CCND3: variants seen among roughly 807,000 people sequenced by gnomAD.
CCND3 encodes the protein G1/S-specific cyclin-D3.
Under a neutral mutation model 28.7 loss-of-function variants are expected in CCND3, and 9 were observed. That is an observed-to-expected ratio of 0.31 (90% CI 0.19 to 0.55). CCND3 has a LOEUF of 0.55. CCND3 is among the 20% of genes least tolerant of loss of function. CCND3 has a pLI of 0.93. For missense variants in CCND3, 315 were observed against 385.8 expected (o/e 0.82, Z 1.54); for synonymous variants, 164 against 163.9 (o/e 1.00, Z 0.00).
intron 1 of CCND3, among the ~76,000 whole-genome samples, chr6:42,015,716 TA>T (rs1048208348): frequency 6.2e-5 from 9 of 145,938 alleles, no homozygotes; most frequent in Admixed American, 6.9e-5. Flanking sequence ...TCTCAAAAAA[TA>T]AAAAAAAAAG....
At chr6:41,972,453 G>A (rs947808874) in intron 1 of CCND3, among the ~76,000 whole-genome samples, 2 of 152,072 alleles carry the variant, frequency 1.3e-5, no homozygotes. Flanking sequence ...TGTGGCCATG[G>A]AGTTTAGATA....
At chr6:42,043,308 C>A (rs945035141) in intron 1 of CCND3, among the ~76,000 whole-genome samples, 2 of 152,178 alleles carry the variant, frequency 1.3e-5, no homozygotes, top group East Asian at 1.9e-4. Flanking sequence ...GAGGCCGAGG[C>A]GGATGGATCC....
At chr6:42,031,758 T>C (rs1157355908) in intron 1 of CCND3, among the ~76,000 whole-genome samples, 4 of 152,084 alleles carry the variant, frequency 2.6e-5, no homozygotes, top group Non-Finnish European at 5.9e-5. Flanking sequence ...TCCTGATTTT[T>C]CTCTTAACGT....
chr6:41,956,385 A>G (rs569225255), intron 1 of CCND3, among the ~76,000 whole-genome samples: 2 of 152,362 alleles, frequency 1.3e-5, no homozygotes, highest in African/African-American at 4.8e-5. Context: ...GGCCTTTAGA[A>G]AGGGCTGGGA....
chr6:41,970,576 A>G (rs564131266), intron 1 of CCND3, among the ~76,000 whole-genome samples: 2 of 152,276 alleles, frequency 1.3e-5, no homozygotes, highest in South Asian at 4.1e-4. Context: ...GTTTATATTA[A>G]CAACCTCACT....
In CCND3 at chr6:41,996,879, G is replaced by T. The variant is rs543411448; in HGVS notation, c.-46+51622C>A. ...AGGATTTCACCATGTTGGCCAGGCT[G>T]GTCTCTATTTCTTGACCTCATGATC... On this transcript the variant is annotated intron_variant, in intron 1 of 4. Transcript: ENST00000372988. 5.9e-5 allele frequency among the ~76,000 whole-genome samples: 9 copies of T among 152,122 alleles called. No homozygotes were observed. In the East Asian group the frequency reaches 1.8e-3, roughly 30 times the overall value.
chr6:41,982,316 T>C (rs1762369901), intron 1 of CCND3, among the ~76,000 whole-genome samples: 1 of 150,408 alleles, frequency 6.6e-6, no homozygotes, highest in South Asian at 2.1e-4. Flanking sequence ...ATACTAGCAA[T>C]GAACAAGTGG....
chr6:41,999,217 GAA>G (rs56036129), intron 1 of CCND3, among the ~76,000 whole-genome samples: 2 of 151,332 alleles, frequency 1.3e-5, no homozygotes, highest in Admixed American at 6.6e-5. Context: ...ACTCTGTCTC[GAA>G]AAAAAAAAAT....
intron 1 of CCND3, among the ~76,000 whole-genome samples, chr6:41,977,682 G>A (rs903323094): frequency 2.0e-5 from 3 of 151,988 alleles, no homozygotes; most frequent in Non-Finnish European, 2.9e-5. Context: ...TACTTTAAAT[G>A]GAATGCATTT....
intron 1 of CCND3, among the ~76,000 whole-genome samples, chr6:42,003,631 C>G (rs1210504975): frequency 7.4e-6 from 1 of 134,260 alleles, no homozygotes; most frequent in African/African-American, 2.9e-5. Flanking sequence ...AGAAAATAAA[C>G]AGTAGAAAAG....
At chr6:41,964,486 ATGTGTGTGTGTGAGTG>A (rs1461531307) in intron 1 of CCND3, among the ~76,000 whole-genome samples, 4 of 103,056 alleles carry the variant, frequency 3.9e-5, no homozygotes, top group East Asian at 8.3e-4. Flanking sequence ...GTGTGTGTGA[ATGTGTGTGTGTGAGTG>A]TGTGTGTGTG....
chr6:41,997,819 T>C (rs1481385509), intron 1 of CCND3, among the ~76,000 whole-genome samples: 1 of 151,660 alleles, frequency 6.6e-6, no homozygotes, highest in Admixed American at 6.6e-5. Context: ...CAATCATCTC[T>C]AAGGTCCATT....
chr6:42,016,279 G>A lies in CCND3; in HGVS notation c.-46+32222C>T, dbSNP rs142317325. Among the ~76,000 whole-genome samples the A allele has an allele frequency of 1.6e-3, 250 of 152,202 alleles. 1 individual carries two copies. The highest frequency in any genetic ancestry group is 2.9e-3 in the Non-Finnish European group (194 of 68,010). Reference sequence around the variant, plus strand: ...CCATAGTCACCATGTTGTACGATACGTCTCTTGAACTTATTCTTCCCATCT... The same window carrying A: ...CCATAGTCACCATGTTGTACGATACATCTCTTGAACTTATTCTTCCCATCT... On this transcript the variant is annotated intron_variant, in intron 1 of 4. Transcript: ENST00000372988.
chr6:41,995,053 CAG>C (rs1023964962), intron 1 of CCND3, among the ~76,000 whole-genome samples: 1 of 151,874 alleles, frequency 6.6e-6, no homozygotes, highest in African/African-American at 2.4e-5. Flanking sequence ...GCCTGGGCGA[CAG>C]AGTGAGACTC....
At chr6:41,988,250 G>A (rs1230305487) in intron 1 of CCND3, among the ~76,000 whole-genome samples, 3 of 152,028 alleles carry the variant, frequency 2.0e-5, no homozygotes, top group South Asian at 2.1e-4. Context: ...AGGTTGTGAT[G>A]AGCTGAGATC....
At chr6:41,945,348 T>C (rs548467526), upstream of CCND3, among the ~76,000 whole-genome samples, 1 of 152,300 alleles carries the variant, frequency 6.6e-6, no homozygotes, top group South Asian at 2.1e-4. Flanking sequence ...ACCTTGTCTC[T>C]ACTAAAAATA....
chr6:42,032,217 C>G (rs1247644670), intron 1 of CCND3, among the ~76,000 whole-genome samples: 3 of 152,182 alleles, frequency 2.0e-5, no homozygotes, highest in Admixed American at 6.5e-5. Flanking sequence ...TCCTGGGTAG[C>G]TAGGACTGCA....
At chr6:42,007,347 T>C (rs1313207739) in intron 1 of CCND3, among the ~76,000 whole-genome samples, 1 of 152,026 alleles carries the variant, frequency 6.6e-6, no homozygotes, top group Non-Finnish European at 1.5e-5. Flanking sequence ...GATGGGCGGG[T>C]GGATGGCCAT....
In CCND3 at chr6:41,939,475, C is replaced by A. The variant is rs3218090; in HGVS notation, c.414+895G>T. 6.4e-3 allele frequency among the ~76,000 whole-genome samples: 979 copies of A among 152,286 alleles called. 12 individuals are homozygous for A. The highest frequency in any genetic ancestry group is 0.022 in the African/African-American group (927 of 41,550). ...GCAGCTCCCCCGCCTCCTCCCCAGG[C>A]TCCTTCTGAGGCGGGACAGAACCGG... On this transcript the variant is annotated intron_variant, in intron 2 of 4. Transcript: ENST00000372991. The surrounding 1 kb of genome is among the most constrained non-coding windows in gnomAD (Gnocchi z 4.2).
Sources: allele counts gnomAD v4.1 joint callset (sites outside exome capture counted in the v4.1 genomes callset), GRCh38; gene constraint gnomAD v4.1.1; non-coding constraint Gnocchi (gnomAD v3.1); transcripts MANE v1.5; gene names NCBI Gene and HGNC (gene_info 2026-07-23, HGNC 2026-07-21).